Variants in NAA38 observed in about 807,000 individuals in gnomAD.
The protein encoded by NAA38 is N-alpha-acetyltransferase 38, NatC auxiliary subunit.
NAA38 carries 15 observed loss-of-function variants against 12.6 expected under a neutral mutation model. The ratio of observed to expected loss-of-function variants is 1.19; its 90% CI spans 0.79 to 1.83. NAA38 has a LOEUF of 1.83. Ranked by LOEUF, NAA38 falls within the 40% of genes most tolerant of loss-of-function variation. The probability of loss-of-function intolerance (pLI) is 0.00; values close to 1 mark genes in which losing one functional copy is unlikely to be tolerated. For missense variants in NAA38, 183 were observed against 171.7 expected (o/e 1.07, Z -0.37); for synonymous variants, 88 against 69.9 (o/e 1.26, Z -1.29).
chr17:7,884,421 G>A (rs1567822370), intron 1 of NAA38, among the ~76,000 whole-genome samples: 2 of 143,674 alleles, frequency 1.4e-5, no homozygotes, highest in Admixed American at 7.1e-5. Flanking sequence ...CAACGGAGAG[G>A]GGGGCAGAGA....
At chr17:7,885,307 C>CCCGCCG (rs939052371), upstream of NAA38, 7,173 of 157,498 alleles carry the variant, frequency 0.046, 327 homozygotes, top group African/African-American at 0.1. Flanking sequence ...GCACCCCTCC[C>CCCGCCG]CCGCCGCCGC....
rs896826068 is a variant in NAA38 at position 7,857,026 on chromosome 17, A to T, written c.254T>A (p.Leu85His). 9 of 1,605,984 alleles carry T rather than the reference A, an allele frequency of 5.6e-6. No individual in the cohort carries two copies. The highest frequency in any genetic ancestry group is 6.0e-6 in the Non-Finnish European group (7 of 1,174,202). ...NVILGSAQEF[L>H]KPSDSFSAGE... ...CCCCGGGCACTGACCCGACGGCTTGAGGAACTCCTGCGCCGAGCCCAGGAT... is the reference window on the plus strand; with the variant it reads ...CCCCGGGCACTGACCCGACGGCTTGTGGAACTCCTGCGCCGAGCCCAGGAT... Residue 85 changes from leucine (L) to histidine (H), a missense_variant, in exon 2 of 3, where the codon CTC becomes CAC. Leu to His is a moderately conservative substitution (Grantham distance 99, BLOSUM62 -3). Transcript: ENST00000575771.
chr17:7,872,594 C>T (rs1168360714), intron 2 of NAA38, among the ~76,000 whole-genome samples: 1 of 152,338 alleles, frequency 6.6e-6, no homozygotes, highest in South Asian at 2.1e-4. Context: ...AACTCCTGAC[C>T]TTGTGATCCG....
chr17:7,878,735 A>G (rs1967219556), intron 2 of NAA38, among the ~76,000 whole-genome samples: 1 of 152,192 alleles, frequency 6.6e-6, no homozygotes, highest in African/African-American at 2.4e-5. Context: ...TCATAAAAAG[A>G]TATTTAAAAT....
chr17:7,880,449 G>A (rs1030122713), intron 2 of NAA38, among the ~76,000 whole-genome samples: 1 of 152,192 alleles, frequency 6.6e-6, no homozygotes, highest in Non-Finnish European at 1.5e-5. Context: ...CCTGGTTAGA[G>A]GTTGTGTCTT....
Position 7,857,368 on chromosome 17 carries a change from A to G in NAA38, c.81+15T>C. ...TTGACTGCCCCTCAGTCCCAGAACC[A>G]GAGCCCGTGCTAACCCCAGCACTGG... On this transcript the variant is annotated intron_variant, in intron 1 of 2. Coordinates refer to ENST00000575771, the MANE Select transcript of NAA38 (RefSeq NM_001320925.4). 1.2e-6 allele frequency: 2 copies of G among 1,612,752 alleles called. No individual in the cohort carries two copies. Among genetic ancestry groups the G allele is most frequent in the East Asian group, 2.2e-5 (1 of 44,768 alleles).
rs184930369 is a variant in NAA38, at chr17:7,857,366, C to A, written c.81+17G>T. On this transcript the variant is annotated intron_variant, in intron 1 of 2. Coordinates refer to ENST00000575771, the MANE Select transcript of NAA38 (RefSeq NM_001320925.4). ...GCTTGACTGCCCCTCAGTCCCAGAA[C>A]CAGAGCCCGTGCTAACCCCAGCACT... is the stretch of plus-strand genomic sequence containing the variant. The A allele has an allele frequency of 1.2e-6, 2 of 1,612,950 alleles. No individual in the cohort carries two copies. Among genetic ancestry groups the A allele is most frequent in the East Asian group, 4.5e-5 (2 of 44,804 alleles).
chr17:7,867,592 A>G (rs1463473710), intron 2 of NAA38, among the ~76,000 whole-genome samples: 1 of 152,196 alleles, frequency 6.6e-6, no homozygotes, highest in East Asian at 1.9e-4. Context: ...TGGGCCTCCC[A>G]CAGTGCTGGG....
intron 2 of NAA38, among the ~76,000 whole-genome samples, chr17:7,875,220 A>C (rs1169034586): frequency 6.6e-6 from 1 of 152,062 alleles, no homozygotes; most frequent in Non-Finnish European, 1.5e-5. Context: ...CAAAACAAAA[A>C]ACCCTCCATA....
At chr17:7,862,916 G>A (rs1466527934), upstream of NAA38, 1 of 152,136 alleles carries the variant, frequency 6.6e-6, no homozygotes, top group Non-Finnish European at 1.5e-5. Flanking sequence ...GGCCTTTGGA[G>A]ATTTATAAGG....
At chr17:7,857,701 T>C, upstream of NAA38, 1 of 1,308,294 alleles carries the variant, frequency 7.6e-7, no homozygotes, top group Non-Finnish European at 9.7e-7. Context: ...TTACCTCTGG[T>C]TTCTTACACA....
chr17:7,883,551 G>A (rs763798077), intron 1 of NAA38, among the ~76,000 whole-genome samples: 52 of 151,964 alleles, frequency 3.4e-4, no homozygotes, highest in Non-Finnish European at 6.8e-4. Context: ...TGGGTAAAGG[G>A]GAGAATCAAA....
intron 3 of NAA38, chr17:7,865,475 G>A (rs1178650768): frequency 6.6e-6 from 1 of 152,242 alleles, no homozygotes; most frequent in Non-Finnish European, 1.5e-5. Flanking sequence ...GGTGGACTGT[G>A]GGGAGCTGGA....
chr17:7,867,637 T>G (rs544932247), intron 2 of NAA38, among the ~76,000 whole-genome samples: 33 of 152,022 alleles, frequency 2.2e-4, no homozygotes, highest in African/African-American at 8.0e-4. Context: ...TGGCCCAGAG[T>G]TAAGGGTTTT....
intron 2 of NAA38, chr17:7,866,636 T>G: frequency 2.9e-6 from 2 of 681,222 alleles, no homozygotes. Flanking sequence ...CCCACCACTC[T>G]TCAGTTGGCC....
intron 3 of NAA38, chr17:7,865,795 G>A (rs1019221487): frequency 1.3e-5 from 2 of 152,190 alleles, no homozygotes; most frequent in Non-Finnish European, 2.9e-5. Flanking sequence ...CCCAGTCTAG[G>A]GTGGAGTGGA....
chr17:7,881,775 G>C (rs887876004), intron 2 of NAA38, among the ~76,000 whole-genome samples: 6 of 150,832 alleles, frequency 4.0e-5, no homozygotes, highest in Non-Finnish European at 8.9e-5. Context: ...AGCCGTGGCA[G>C]GGCCTGGAAG....
intron 2 of NAA38, among the ~76,000 whole-genome samples, chr17:7,868,722 A>C (rs561398416): frequency 6.6e-6 from 1 of 152,278 alleles, no homozygotes; most frequent in South Asian, 2.1e-4. Flanking sequence ...GCCATTCTTT[A>C]TTTAGTAATG....
intron 3 of NAA38, chr17:7,864,298 AG>A (rs1966923965): frequency 6.6e-6 from 1 of 152,248 alleles, no homozygotes; most frequent in African/African-American, 2.4e-5. Flanking sequence ...AGCACTAAAA[AG>A]AAAAACCCAA....
Sources: gnomAD v4.1 joint callset for allele counts (sites outside exome capture counted in the v4.1 genomes callset) on GRCh38, gnomAD v4.1.1 for gene constraint, MANE v1.5 for transcripts, NCBI Gene and HGNC (gene_info 2026-07-23, HGNC 2026-07-21) for gene names.